RADIL: variants seen among roughly 807,000 people sequenced by gnomAD.
The protein encoded by RADIL is Rap associating with DIL domain.
A neutral mutation model predicts 97.6 loss-of-function variants in RADIL; 99 were observed. That is an observed-to-expected ratio of 1.01 (90% CI 0.86 to 1.20). RADIL has a LOEUF of 1.20. Among genes scored for constraint, RADIL ranks in the 50% most tolerant of loss-of-function variants. The probability of loss-of-function intolerance (pLI) is 0.00; values close to 1 mark genes in which losing one functional copy is unlikely to be tolerated. For synonymous variants in RADIL, 803 were observed against 691.8 expected, an observed-to-expected ratio of 1.16 and a Z score of -2.52; for missense variants, 1,765 against 1,498.9, an observed-to-expected ratio of 1.18 and a Z score of -2.93.
Position 4,879,006 on chromosome 7 carries a change from C to T in RADIL, c.-64-803G>A, listed in dbSNP as rs1784429813. On this transcript the variant is annotated intron_variant, in intron 1 of 14. Transcript: ENST00000399583. This position sits in a 1 kb window ranked among gnomAD's most constrained non-coding sequence, Gnocchi z 4.1. ...CCATCAGACATTCCAGACACAAACC[C>T]CCAGAATCTACCCCTCAGGGCAAGA... is the stretch of plus-strand genomic sequence containing the variant. Among the ~76,000 whole-genome samples, 1 of 152,224 alleles carries T rather than the reference C, an allele frequency of 6.6e-6. No homozygotes were observed. Among genetic ancestry groups the T allele is most frequent in the Non-Finnish European group, 1.5e-5 (1 of 68,050 alleles).
At chr7:4,832,219 A>C (rs1783163124) in intron 4 of RADIL, 41 bp from the exon 5 acceptor site, 1 of 1,584,988 alleles carries the variant, frequency 6.3e-7, no homozygotes, top group Non-Finnish European at 8.6e-7. Context: ...TGAGCAAAAC[A>C]GGCTAACACA....
rs778471288 is a variant in RADIL at position 4,816,243 on chromosome 7, G to A, written c.1951C>T (p.Gln651Ter). ...FFFSGTLLLN[Q>*]LLDRGPSLSC... ...AGGCCCTCACCCCTGTCGAGGAGCT[G>A]GTTGAGAAGCAGTGTCCCGGAGAAG... The change falls in exon 8 of 15, where the codon CAG (glutamine) becomes TAG (stop). Residue 651 changes from glutamine (Q) to a stop codon, truncating the protein, a stop_gained. Transcript: ENST00000399583. LOFTEE classifies it high-confidence loss of function. 3 of 1,610,944 alleles carry A rather than the reference G, an allele frequency of 1.9e-6. No homozygotes were observed. Among genetic ancestry groups the A allele is most frequent in the Non-Finnish European group, 2.5e-6 (3 of 1,178,310 alleles).
rs1447886623 is a variant in RADIL, at chr7:4,813,966, G to A, written c.2139+1312C>T. 4.6e-5 allele frequency among the ~76,000 whole-genome samples: 7 copies of A among 152,242 alleles called. No individual in the cohort carries two copies. In the East Asian group the frequency reaches 9.7e-4, roughly 21 times the overall value. The stretch of plus-strand genomic sequence containing the variant: ...AGATTGCTTTTTTCTTTTTTGTAGA[G>A]ATGGGGTCTCGCTGTGTTGCCCAGG... On this transcript the variant is annotated intron_variant, in intron 9 of 14. Transcript: ENST00000399583. This position sits in a 1 kb window ranked among gnomAD's most constrained non-coding sequence, Gnocchi z 5.0.
Position 4,818,114 on chromosome 7 carries a change from C to T in RADIL, c.1616-763G>A, listed in dbSNP as rs527914432. ...AACCACAGTGGTGTTCCCTGTCAGC[C>T]GCGTGGGCGGCCACAGCTCCCCTCC... On this transcript the variant is annotated intron_variant, in intron 6 of 14. Transcript: ENST00000399583. The surrounding 1 kb of genome is among the most constrained non-coding windows in gnomAD (Gnocchi z 7.1). Among the ~76,000 whole-genome samples the T allele has an allele frequency of 7.9e-5, 12 of 152,302 alleles. No individual in the cohort carries two copies. In the South Asian group the frequency reaches 1.7e-3, roughly 21 times the overall value.
At position 4,819,673 on chromosome 7, in the gene RADIL, G is replaced by A. The variant is rs549216198; in HGVS notation, c.1616-2322C>T. Among the ~76,000 whole-genome samples the A allele has an allele frequency of 7.2e-5, 11 of 152,272 alleles. No homozygotes were observed. The highest frequency in any genetic ancestry group is 3.4e-3 in the Middle Eastern group (1 of 292). ...GACAACAGCCACGTGACCCACCCTC[G>A]GGACGCGACAGCCCTGCTCTCCGAA... On this transcript the variant is annotated intron_variant, in intron 6 of 14. Coordinates refer to ENST00000399583, the MANE Select transcript of RADIL (RefSeq NM_018059.5). The surrounding 1 kb of genome is among the most constrained non-coding windows in gnomAD (Gnocchi z 5.8).
Position 4,799,634 on chromosome 7 carries a change from G to A in RADIL, c.3118C>T (p.Leu1040=), listed in dbSNP as rs2306921. The change falls in exon 14 of 15, where the codon CTG becomes TTG. Residue 1040 remains leucine, a synonymous_variant. Coordinates refer to ENST00000399583, the MANE Select transcript of RADIL (RefSeq NM_018059.5). ...NGSSLLGLGY[L]RAVDLIRHGG... is the part of the protein sequence containing the mutation. ...GCGTGCATGCGGTGGGGGTACCTCAGGTAGCCAAGGCCCAGGAGGCTGCTG... is the reference window on the plus strand; with the variant it reads ...GCGTGCATGCGGTGGGGGTACCTCAAGTAGCCAAGGCCCAGGAGGCTGCTG... 3.1e-6 allele frequency: 5 copies of A among 1,605,172 alleles called. No individual in the cohort carries two copies. In the East Asian group the frequency reaches 6.7e-5, roughly 22 times the overall value.
rs576276552 is a variant in RADIL at position 4,846,181 on chromosome 7, G to C, written c.536-9576C>G. On this transcript the variant is annotated intron_variant, in intron 2 of 14. Transcript: ENST00000399583. Reference sequence around the variant, plus strand: ...AGTCTCGCTCTGTCACCAGGCTGGAGTGCAGTGGTGCGATCTTGGCTCACT... The same window carrying C: ...AGTCTCGCTCTGTCACCAGGCTGGACTGCAGTGGTGCGATCTTGGCTCACT... Among the ~76,000 whole-genome samples the C allele has an allele frequency of 4.7e-5, 7 of 150,374 alleles. No individual in the cohort carries two copies. In the South Asian group the frequency reaches 1.5e-3, roughly 32 times the overall value.
intron 2 of RADIL, chr7:4,859,836 TC>T (rs1451545655): frequency 9.6e-7 from 1 of 1,046,068 alleles, no homozygotes; most frequent in Admixed American, 2.4e-5. Context: ...TTTCTCCTCT[TC>T]CGTTTTGGTT....
At position 4,877,753 on chromosome 7, in the gene RADIL, C is replaced by G. The variant is rs1206382833; in HGVS notation, c.387G>C (p.Arg129=). Residue 129 remains arginine (R), a synonymous_variant, in exon 2 of 15, where the codon CGG becomes CGC. Coordinates refer to ENST00000399583, the MANE Select transcript of RADIL (RefSeq NM_018059.5). The part of the protein sequence containing the change: ...AGDAGQRWQA[R]CFRVFGDSEK... ...CACTGTCCCCAAACACCCGAAAGCA[C>G]CGGGCCTGCCACCGCTGCCCAGCAT... The G allele has an allele frequency of 1.9e-6, 3 of 1,613,622 alleles. No individual in the cohort carries two copies. Among genetic ancestry groups the G allele is most frequent in the Non-Finnish European group, 2.5e-6 (3 of 1,180,018 alleles).
In RADIL at chr7:4,797,347, T is replaced by TG. The variant is rs1466204937; in HGVS notation, c.*2030dup. On this transcript the variant is annotated 3_prime_UTR_variant, in exon 15 of 15. Transcript: ENST00000399583. ...AATAGAAACCAAAGGCCCTTCAGTC[T>TG]GGCTTGGAAGGTCCCAGAATATCAC... is the stretch of plus-strand genomic sequence containing the variant. The TG allele has an allele frequency of 7.9e-5, 12 of 152,266 alleles. No individual in the cohort carries two copies. Among genetic ancestry groups the TG allele is most frequent in the Non-Finnish European group, 2.9e-5 (2 of 68,056 alleles). The allele number at this position is 152,266 out of a possible 1,614,324, so 9.4% of individuals were successfully genotyped here.
At position 4,801,731 on chromosome 7, in the gene RADIL, A is replaced by C; in HGVS notation, c.2764T>G (p.Ser922Ala). The C allele has an allele frequency of 1.2e-6, 2 of 1,610,292 alleles. No individual in the cohort carries two copies. Residue 922 changes from serine to alanine, a missense_variant, in exon 12 of 15, where the codon TCC becomes GCC. Transcript: ENST00000399583. The part of the protein sequence containing the change: ...PEPGDPDWPE[S>A]GGPCGKALPE... The stretch of plus-strand genomic sequence containing the variant: ...AGCGCTTTTCCACAGGGGCCGCCGG[A>C]CTCTGGCCAGTCGGGGTCCCCAGGC...
At position 4,799,620 on chromosome 7, in the gene RADIL, GT is replaced by G; in HGVS notation, c.3122+9del. 1 of 1,605,998 alleles carries G rather than the reference GT, an allele frequency of 6.2e-7. No homozygotes were observed. Among genetic ancestry groups the G allele is most frequent in the Non-Finnish European group, 8.5e-7 (1 of 1,176,112 alleles). On this transcript the variant is annotated intron_variant, in intron 14 of 14. Coordinates refer to ENST00000399583, the MANE Select transcript of RADIL (RefSeq NM_018059.5). Reference sequence around the variant, plus strand: ...GGAGAAGGGGCCGGGCGTGCATGCGGTGGGGGTACCTCAGGTAGCCAAGGCC... The same window carrying G: ...GGAGAAGGGGCCGGGCGTGCATGCGGGGGGGTACCTCAGGTAGCCAAGGCC...
intron 5 of RADIL, among the ~76,000 whole-genome samples, chr7:4,828,024 G>A (rs543762871): frequency 3.0e-4 from 46 of 152,184 alleles, no homozygotes; most frequent in East Asian, 7.7e-4. Context: ...TCAAAACCAC[G>A]AGACGCCACC....
At position 4,818,273 on chromosome 7, in the gene RADIL, T is replaced by G. The variant is rs558419376; in HGVS notation, c.1616-922A>C. 6.6e-6 allele frequency among the ~76,000 whole-genome samples: 1 copy of G among 152,248 alleles called. No homozygotes were observed. The highest frequency in any genetic ancestry group is 1.5e-5 in the Non-Finnish European group (1 of 67,990). ...GCCAACACTCACCCCAGCGCGGGCC[T>G]CCCAGGAGCACAGGCCCCCAGCTGC... On this transcript the variant is annotated intron_variant, in intron 6 of 14. Coordinates refer to ENST00000399583, the MANE Select transcript of RADIL (RefSeq NM_018059.5). The surrounding 1 kb of genome is among the most constrained non-coding windows in gnomAD (Gnocchi z 7.1).
At position 4,801,718 on chromosome 7, in the gene RADIL, C is replaced by T; in HGVS notation, c.2777G>A (p.Cys926Tyr). ...CTGCCTCTCTGGGAGCGCTTTTCCA[C>T]AGGGGCCGCCGGACTCTGGCCAGTC... ...DPDWPESGGP[C>Y]GKALPERQRN... Residue 926 changes from cysteine to tyrosine, a missense_variant, in exon 12 of 15, where the codon TGT becomes TAT. Coordinates refer to ENST00000399583, the MANE Select transcript of RADIL (RefSeq NM_018059.5). The T allele has an allele frequency of 6.2e-7, 1 of 1,610,166 alleles. No individual in the cohort carries two copies. Among genetic ancestry groups the T allele is most frequent in the African/African-American group, 1.3e-5 (1 of 75,008 alleles).
intron 11 of RADIL, among the ~76,000 whole-genome samples, chr7:4,802,333 C>G (rs71207084): frequency 5.0e-5 from 7 of 140,178 alleles, no homozygotes; most frequent in Admixed American, 2.8e-4. Context: ...GCTGGCTGGG[C>G]CCCCTCCCCG....
In RADIL at chr7:4,836,528, T is replaced by C; in HGVS notation, c.613A>G (p.Ser205Gly). The C allele has an allele frequency of 2.5e-6, 4 of 1,607,404 alleles. No individual in the cohort carries two copies. The highest frequency in any genetic ancestry group is 1.7e-4 in the Middle Eastern group (1 of 6,036). The change falls in exon 3 of 15, where the codon AGC becomes GGC. Residue 205 changes from serine (S) to glycine (G), a missense_variant. Coordinates refer to ENST00000399583, the MANE Select transcript of RADIL (RefSeq NM_018059.5). ...TPTPALGDAR[S>G]SPPPRLRRTV... The stretch of plus-strand genomic sequence containing the variant: ...CGGCGCAACCGGGGTGGAGGAGAGC[T>C]CCGGGCATCCCCCAGGGCCGGGGTC...
chr7:4,860,122 C>A, intron 2 of RADIL: 12 of 1,613,980 alleles, frequency 7.4e-6, no homozygotes, highest in Non-Finnish European at 1.0e-5. Context: ...CAGATGCTGT[C>A]ATTACAGCCA....
intron 8 of RADIL, 78 bp downstream of exon 8, chr7:4,816,150 C>T: frequency 7.2e-7 from 1 of 1,382,276 alleles, no homozygotes; most frequent in Non-Finnish European, 1.0e-6. Context: ...CCTCCAGGAG[C>T]TGGCGAGGGA....
Sources: allele counts gnomAD v4.1 joint callset (sites outside exome capture counted in the v4.1 genomes callset), GRCh38; gene constraint gnomAD v4.1.1; non-coding constraint Gnocchi (gnomAD v3.1); transcripts MANE v1.5; gene names NCBI Gene and HGNC (gene_info 2026-07-23, HGNC 2026-07-21).